The following DSG4 variants were observed in gnomAD, a reference collection of about 807,000 sequenced individuals.
DSG4 encodes desmoglein-4.
DSG4 carries 87 observed loss-of-function variants against 93.1 expected under a neutral mutation model. The ratio of observed to expected loss-of-function variants is 0.93; its 90% confidence interval spans 0.79 to 1.12. The LOEUF (loss-of-function observed/expected upper bound fraction) is 1.12, where lower values mean the gene tolerates loss of function less well. Among genes scored for constraint, DSG4 ranks in the 50% most tolerant of loss-of-function variants. DSG4 has a pLI of 0.00. For synonymous variants in DSG4, 432 were observed against 452.9 expected, an observed-to-expected ratio of 0.95 and a Z score of 0.59; for missense variants, 1,373 against 1,285.7, an observed-to-expected ratio of 1.07 and a Z score of -1.04.
intron 14 of DSG4, chr18:31,410,984 G>C: frequency 8.9e-7 from 1 of 1,121,436 alleles, no homozygotes; most frequent in Non-Finnish European, 1.2e-6. Context: ...TTAAGTCTAG[G>C]GCGAAGTCTG....
At position 31,413,032 on chromosome 18, in the gene DSG4, C is replaced by T. The variant is rs766049438; in HGVS notation, c.2560C>T (p.Pro854Ser). Reference protein sequence around the residue: ...AEICLNTEIEPFPSHQACIPI... With the variant: ...AEICLNTEIESFPSHQACIPI... ...GATCTGCTTAAACACAGAAATTGAACCATTTCCTTCACACCAGGCTTGTAT... is the reference window on the plus strand; with the variant it reads ...GATCTGCTTAAACACAGAAATTGAATCATTTCCTTCACACCAGGCTTGTAT... Residue 854 changes from proline to serine, a missense_variant, in exon 16 of 16, where the codon CCA (proline) becomes TCA (serine). Coordinates refer to ENST00000308128, the MANE Select transcript of DSG4 (RefSeq NM_177986.5). 6.2e-7 allele frequency: 1 copy of T among 1,614,170 alleles called. No homozygotes were observed. Among genetic ancestry groups the T allele is most frequent in the Non-Finnish European group, 8.5e-7 (1 of 1,180,038 alleles).
chr18:31,411,522 A>G (rs1431209619), intron 15 of DSG4, 74 bp downstream of exon 15: 1 of 1,526,110 alleles, frequency 6.6e-7, no homozygotes, highest in East Asian at 2.3e-5. Flanking sequence ...TCACAATGGT[A>G]GTAGGCCTCT....
At position 31,413,237 on chromosome 18, in the gene DSG4, C is replaced by T. The variant is rs768344113; in HGVS notation, c.2765C>T (p.Thr922Ile). ...GNADPCVQPT[T>I]IIFDPQLAPN... ...GCTGATCCATGTGTGCAACCCACTA[C>T]AATTATTTTTGATCCTCAGCTTGCA... is the stretch of plus-strand genomic sequence containing the variant. The change falls in exon 16 of 16, where the codon ACA becomes ATA. Residue 922 changes from threonine to isoleucine, a missense_variant. By Grantham distance (89) the Thr-to-Ile change is moderately conservative. Transcript: ENST00000308128. The T allele has an allele frequency of 6.2e-7, 1 of 1,614,118 alleles. No individual in the cohort carries two copies. The highest frequency in any genetic ancestry group is 1.3e-5 in the African/African-American group (1 of 75,034).
intron 5 of DSG4, 106 bp from the exon 6 acceptor site, chr18:31,390,548 CAG>C (rs1462082698): frequency 3.0e-6 from 4 of 1,319,984 alleles, no homozygotes; most frequent in South Asian, 1.2e-5. Flanking sequence ...AAAACTCAAA[CAG>C]AGAGAATTCA....
chr18:31,377,752 T>C (rs969668626), intron 1 of DSG4, among the ~76,000 whole-genome samples: 3 of 152,138 alleles, frequency 2.0e-5, no homozygotes, highest in East Asian at 1.9e-4. Flanking sequence ...CTATTGCCAA[T>C]TCTGGGAGGG....
In DSG4 at chr18:31,406,011, G is replaced by A. The variant is rs557656032; in HGVS notation, c.1637-66G>A. 11 of 1,594,484 alleles carry A rather than the reference G, an allele frequency of 6.9e-6. No homozygotes were observed. The East Asian group carries it at 2.2e-4, about 32-fold the overall frequency. On this transcript the variant is annotated intron_variant, in intron 11 of 15. Coordinates refer to ENST00000308128, the MANE Select transcript of DSG4 (RefSeq NM_177986.5). ...AAGTCAATATTTGGTATTAGGGAGA[G>A]TTAACCACCCCCCTAGCCCACCAAG...
At position 31,406,083 on chromosome 18, in the gene DSG4, CG is replaced by C; in HGVS notation, c.1645del (p.Ala549GlnfsTer20). ...TTCCTCTCTTCCATTTCAGCTACCTCGGCAATCCTTACGGCTAAGCAGGTTT... is the reference window on the plus strand; with the variant it reads ...TTCCTCTCTTCCATTTCAGCTACCTCGCAATCCTTACGGCTAAGCAGGTTT... ...MWDVRSTNAT[S>X]AILTAKQVLS... On this transcript the variant is annotated frameshift_variant, in exon 12 of 16. Coordinates refer to ENST00000308128, the MANE Select transcript of DSG4 (RefSeq NM_177986.5). LOFTEE classifies it high-confidence loss of function. The C allele has an allele frequency of 6.2e-7, 1 of 1,613,996 alleles. No homozygotes were observed. The highest frequency in any genetic ancestry group is 8.5e-7 in the Non-Finnish European group (1 of 1,180,010).
chr18:31,403,318 A>G (rs1443318063), intron 10 of DSG4, 98 bp from the exon 11 acceptor site: 12 of 1,021,622 alleles, frequency 1.2e-5, no homozygotes, highest in Non-Finnish European at 1.5e-5. Context: ...AGTCACGTAT[A>G]TGTTTCCTAC....
chr18:31,390,656 A>G lies in DSG4; in HGVS notation c.518A>G (p.Asn173Ser). ...TASIEENSDA[N>S]TLVVKLCATD... ...TCTCCACCTCCATTTCTATTTCTAG[A>G]TACATTGGTAGTAAAGTTATGTGCC... Residue 173 changes from asparagine to serine, a missense_variant and splice_region_variant, in exon 6 of 16, where the codon AAT becomes AGT. Transcript: ENST00000308128. 1 of 1,613,470 alleles carries G rather than the reference A, an allele frequency of 6.2e-7. No homozygotes were observed. Among genetic ancestry groups the G allele is most frequent in the South Asian group, 1.1e-5 (1 of 91,070 alleles).
intron 7 of DSG4, 94 bp downstream of exon 7, chr18:31,391,306 T>C: frequency 6.4e-7 from 1 of 1,553,126 alleles, no homozygotes; most frequent in Non-Finnish European, 8.8e-7. Flanking sequence ...ATGAGCCTGG[T>C]TCTGTCCTAT....
In DSG4 at chr18:31,411,366, A is replaced by G. The variant is rs2072488495; in HGVS notation, c.2273A>G (p.Lys758Arg). The G allele has an allele frequency of 6.2e-7, 1 of 1,614,098 alleles. No individual in the cohort carries two copies. Among genetic ancestry groups the G allele is most frequent in the Admixed American group, 1.7e-5 (1 of 60,014 alleles). Residue 758 changes from lysine to arginine, a missense_variant, in exon 15 of 16, where the codon AAG becomes AGG. Transcript: ENST00000308128. ...GAAGASGAAR[K>R]RSSTMGTLRD... ...GCAGGAGCCTCAGGGGCCGCAAGGAAGAGGAGCTCTACCATGGGAACCCTG... is the reference window on the plus strand; with the variant it reads ...GCAGGAGCCTCAGGGGCCGCAAGGAGGAGGAGCTCTACCATGGGAACCCTG...
At chr18:31,406,664 C>T (rs2072430886) in intron 12 of DSG4, among the ~76,000 whole-genome samples, 2 of 152,038 alleles carry the variant, frequency 1.3e-5, no homozygotes, top group Non-Finnish European at 2.9e-5. Flanking sequence ...CCTTAAAATG[C>T]TTTAAGAGTA....
At chr18:31,387,334 T>A (rs1162478081) in intron 3 of DSG4, among the ~76,000 whole-genome samples, 1 of 152,142 alleles carries the variant, frequency 6.6e-6, no homozygotes, top group Non-Finnish European at 1.5e-5. Flanking sequence ...AAGGATGGGA[T>A]CCACATTAAT....
At chr18:31,401,844 CA>C (rs2072371605) in intron 10 of DSG4, among the ~76,000 whole-genome samples, 1 of 152,048 alleles carries the variant, frequency 6.6e-6, no homozygotes, top group African/African-American at 2.4e-5. Flanking sequence ...AGTATCAAAA[CA>C]AAAATAAAGA....
chr18:31,394,702 G>A (rs1022792968), intron 8 of DSG4, among the ~76,000 whole-genome samples: 1 of 150,090 alleles, frequency 6.7e-6, no homozygotes, highest in African/African-American at 2.4e-5. Context: ...AAAAGGAATG[G>A]GTATAGGAGA....
Position 31,403,402 on chromosome 18 carries a change from C to T in DSG4, c.1418-14C>T, listed in dbSNP as rs2072390323. 4 of 1,603,288 alleles carry T rather than the reference C, an allele frequency of 2.5e-6. No homozygotes were observed. The highest frequency in any genetic ancestry group is 1.7e-4 in the Middle Eastern group (1 of 5,938). On this transcript the variant is annotated splice_polypyrimidine_tract_variant and intron_variant, in intron 10 of 15. Coordinates refer to ENST00000308128, the MANE Select transcript of DSG4 (RefSeq NM_177986.5). ...CACCATTTACCTCAACACCAATGAC[C>T]CTTACTCTTTCAGATGGCTCTGGAA...
At chr18:31,411,778 T>A (rs1020882520) in intron 15 of DSG4, among the ~76,000 whole-genome samples, 1 of 151,514 alleles carries the variant, frequency 6.6e-6, no homozygotes, top group Admixed American at 6.5e-5. Context: ...AAAATGCTCA[T>A]CAAGGGGAAA....
At position 31,386,732 on chromosome 18, in the gene DSG4, A is replaced by G; in HGVS notation, c.129A>G (p.Thr43=). ...AAAATGGCACTACAAAATGGCAAAC[A>G]GTCAGAAGACAAAAGCGGGAGTGGA... is the stretch of plus-strand genomic sequence containing the variant. The part of the protein sequence containing the change: ...DIENGTTKWQ[T]VRRQKREWIK... The change falls in exon 3 of 16, where the codon ACA becomes ACG. Residue 43 remains threonine, a synonymous_variant. Transcript: ENST00000308128. 6.2e-7 allele frequency: 1 copy of G among 1,613,512 alleles called. No homozygotes were observed. The highest frequency in any genetic ancestry group is 8.5e-7 in the Non-Finnish European group (1 of 1,179,516).
intron 8 of DSG4, among the ~76,000 whole-genome samples, chr18:31,392,590 G>A (rs2072261909): frequency 6.6e-6 from 1 of 152,022 alleles, no homozygotes; most frequent in South Asian, 2.1e-4. Context: ...GTGAAGATAA[G>A]GTAAGCAACC....
Sources: gnomAD v4.1 joint callset for allele counts (sites outside exome capture counted in the v4.1 genomes callset) on GRCh38, gnomAD v4.1.1 for gene constraint, MANE v1.5 for transcripts, NCBI Gene and HGNC (gene_info 2026-07-23, HGNC 2026-07-21) for gene names.